Variants in TUBA1C observed in about 807,000 individuals in gnomAD.
TUBA1C encodes the protein tubulin alpha 1c.
A neutral mutation model predicts 34.9 loss-of-function variants in TUBA1C; 16 were observed. That is an observed-to-expected ratio of 0.46 (90% CI 0.31 to 0.70). The LOEUF (loss-of-function observed/expected upper bound fraction) is 0.70. Among genes scored for constraint, TUBA1C ranks in the 30% least tolerant of loss-of-function variants. TUBA1C has a pLI of 0.05. For synonymous variants in TUBA1C, 177 were observed against 215.9 expected, an observed-to-expected ratio of 0.82 and a Z score of 1.58; for missense variants, 329 against 587.3, an observed-to-expected ratio of 0.56 and a Z score of 4.55.
chr12:49,250,343 T>C (rs938536629), intron 1 of TUBA1C, among the ~76,000 whole-genome samples: 1 of 151,722 alleles, frequency 6.6e-6, no homozygotes, highest in African/African-American at 2.4e-5. Flanking sequence ...GCTAACACGA[T>C]GAAACCCCGT....
At chr12:49,237,684 G>A (rs1415611955) in intron 1 of TUBA1C, among the ~76,000 whole-genome samples, 3 of 151,244 alleles carry the variant, frequency 2.0e-5, no homozygotes, top group Non-Finnish European at 4.4e-5. Context: ...GTTCGAGGGT[G>A]CAGTGAGTAT....
intron 1 of TUBA1C, among the ~76,000 whole-genome samples, chr12:49,259,100 C>A (rs1942817392): frequency 1.3e-5 from 2 of 152,132 alleles, no homozygotes; most frequent in Non-Finnish European, 2.9e-5. Context: ...CCTTCACATT[C>A]ACTTACCACT....
chr12:49,268,895 T>A (rs1942951204), intron 1 of TUBA1C, among the ~76,000 whole-genome samples: 1 of 152,198 alleles, frequency 6.6e-6, no homozygotes, highest in Non-Finnish European at 1.5e-5. Flanking sequence ...GAATTTTGCC[T>A]TAGTTTAAGG....
intron 1 of TUBA1C, among the ~76,000 whole-genome samples, chr12:49,229,751 C>T (rs1263522469): frequency 4.6e-5 from 7 of 151,496 alleles, no homozygotes; most frequent in Non-Finnish European, 1.0e-4. Flanking sequence ...CCATGTTGTG[C>T]TTTTTATTCT....
At chr12:49,250,129 T>TGGAA (rs1281951834) in intron 1 of TUBA1C, among the ~76,000 whole-genome samples, 1 of 149,092 alleles carries the variant, frequency 6.7e-6, no homozygotes, top group Non-Finnish European at 1.5e-5. Context: ...ACCTGGGAGG[T>TGGAA]GGAAGGTTGC....
At chr12:49,235,989 T>C (rs1161822522) in intron 1 of TUBA1C, among the ~76,000 whole-genome samples, 3 of 152,208 alleles carry the variant, frequency 2.0e-5, no homozygotes, top group Non-Finnish European at 4.4e-5. Context: ...GAAATCACAA[T>C]GTGCTTATTC....
intron 1 of TUBA1C, among the ~76,000 whole-genome samples, chr12:49,237,333 T>C (rs1232682776): frequency 6.6e-6 from 1 of 150,932 alleles, no homozygotes; most frequent in African/African-American, 2.4e-5. Flanking sequence ...GCAGGAGAAT[T>C]GCTTGAACCT....
At chr12:49,271,210 GTTGATGGACCCACAGGCT>G in intron 3 of TUBA1C, among the ~76,000 whole-genome samples, 1 of 152,346 alleles carries the variant, frequency 6.6e-6, no homozygotes, top group South Asian at 2.1e-4. Context: ...ATCTCATGTA[GTTGATGGACCCACAGGCT>G]ATAAGGGAGC....
intron 1 of TUBA1C, among the ~76,000 whole-genome samples, chr12:49,228,751 G>A (rs1942464534): frequency 6.6e-6 from 1 of 152,198 alleles, no homozygotes; most frequent in Non-Finnish European, 1.5e-5. Context: ...GGGAGGGAGA[G>A]AATGGGAAGA....
intron 3 of TUBA1C, among the ~76,000 whole-genome samples, chr12:49,271,017 T>TA (rs929505482): frequency 6.6e-6 from 1 of 152,132 alleles, no homozygotes; most frequent in African/African-American, 2.4e-5. Context: ...AAGCTTTAGT[T>TA]ATAAGCACTG....
intron 1 of TUBA1C, among the ~76,000 whole-genome samples, chr12:49,244,467 G>T (rs1942648620): frequency 6.6e-6 from 1 of 152,092 alleles, no homozygotes. Flanking sequence ...TCTTCAAAAT[G>T]TTCAAATGTC....
intron 1 of TUBA1C, among the ~76,000 whole-genome samples, chr12:49,236,415 CAT>C (rs1428545383): frequency 2.6e-5 from 4 of 152,198 alleles, no homozygotes; most frequent in African/African-American, 9.7e-5. Flanking sequence ...GTAATGGAAA[CAT>C]GTTATCAAGC....
intron 1 of TUBA1C, among the ~76,000 whole-genome samples, chr12:49,238,425 A>G (rs971730183): frequency 6.6e-6 from 1 of 152,074 alleles, no homozygotes; most frequent in Non-Finnish European, 1.5e-5. Flanking sequence ...GGTGTTCTCT[A>G]ATTCAATTCT....
intron 1 of TUBA1C, among the ~76,000 whole-genome samples, chr12:49,250,563 A>G (rs1421968579): frequency 6.6e-6 from 1 of 151,514 alleles, no homozygotes; most frequent in Non-Finnish European, 1.5e-5. Context: ...AATTACCAGT[A>G]TCTAGAATGA....
upstream of TUBA1C, chr12:49,264,756 T>A (rs1193735185): frequency 5.7e-6 from 1 of 176,310 alleles, no homozygotes; most frequent in South Asian, 2.0e-4. Flanking sequence ...GACACCTCTG[T>A]CCCTGTCCCG....
intron 3 of TUBA1C, among the ~76,000 whole-genome samples, chr12:49,270,962 G>C (rs1350084232): frequency 2.0e-5 from 3 of 152,140 alleles, no homozygotes; most frequent in African/African-American, 7.2e-5. Context: ...CTGGGCGACA[G>C]AGTGAGACTC....
At chr12:49,265,012 TGG>T, upstream of TUBA1C, 1 of 1,015,818 alleles carries the variant, frequency 9.8e-7, no homozygotes, top group Non-Finnish European at 1.3e-6. Context: ...GGGCGGGGTC[TGG>T]GGCCCGCCCT....
chr12:49,244,149 C>CA (rs35040535), intron 1 of TUBA1C, among the ~76,000 whole-genome samples: 224 of 97,360 alleles, frequency 2.3e-3, no homozygotes, highest in Non-Finnish European at 3.6e-3. Context: ...GACTCTGTCT[C>CA]AAAAAAAAAA....
chr12:49,266,582 C>T (rs1352065655), intron 1 of TUBA1C, among the ~76,000 whole-genome samples: 2 of 152,176 alleles, frequency 1.3e-5, no homozygotes, highest in East Asian at 1.9e-4. Flanking sequence ...GGCGCGATGG[C>T]TTATGGTTGT....
Sources: allele counts gnomAD v4.1 joint callset (sites outside exome capture counted in the v4.1 genomes callset), GRCh38; gene constraint gnomAD v4.1.1; transcripts MANE v1.5; gene names NCBI Gene and HGNC (gene_info 2026-07-23, HGNC 2026-07-21).